Variants in PPP4R3B observed in about 807,000 individuals in gnomAD.
PPP4R3B encodes protein phosphatase 4 regulatory subunit 3B.
PPP4R3B carries 52 observed loss-of-function variants against 95.4 expected under a neutral mutation model. The observed-to-expected ratio is 0.54, with a 90% CI of 0.44 to 0.69. PPP4R3B has a LOEUF of 0.69. PPP4R3B is among the 30% of genes least tolerant of loss of function. The pLI is 0.00. For missense variants in PPP4R3B, 1,003 were observed against 1,005.9 expected, an observed-to-expected ratio of 1.00 and a Z score of 0.04; for synonymous variants, 407 against 343.9, an observed-to-expected ratio of 1.18 and a Z score of -2.03.
Position 55,557,032 on chromosome 2 carries a change from C to G in PPP4R3B, c.2454+1743G>C, listed in dbSNP as rs553038455. ...GAGCTGTGATCACACCACTGCACTC[C>G]AGGCTGGGTGACAGAGTGAGACTCT... On this transcript the variant is annotated intron_variant, in intron 16 of 16. Coordinates refer to ENST00000616407, the MANE Select transcript of PPP4R3B (RefSeq NM_001122964.3). Among the ~76,000 whole-genome samples the G allele has an allele frequency of 7.9e-5, 12 of 152,216 alleles. No individual in the cohort carries two copies. The East Asian group carries it at 2.1e-3, about 27-fold the overall frequency.
At chr2:55,611,525 G>C (rs1572746031) in intron 2 of PPP4R3B, among the ~76,000 whole-genome samples, 2 of 152,282 alleles carry the variant, frequency 1.3e-5, no homozygotes, top group East Asian at 3.9e-4. Context: ...GCACAGTAAG[G>C]AAGAAAGTGA....
intron 6 of PPP4R3B, 104 bp downstream of exon 6, chr2:55,586,514 A>C (rs1353285798): frequency 8.1e-6 from 5 of 619,784 alleles, no homozygotes; most frequent in Non-Finnish European, 1.4e-5. Flanking sequence ...TAAGATAGCT[A>C]AACTATAGAA....
Position 55,588,468 on chromosome 2 carries a change from G to A in PPP4R3B, c.999+411C>T, listed in dbSNP as rs757517826. 6.1e-5 allele frequency among the ~76,000 whole-genome samples: 9 copies of A among 147,962 alleles called. No individual in the cohort carries two copies. The East Asian group carries it at 1.8e-3, about 30-fold the overall frequency. ...GCAGAGGTTGTGGTGAGCCGAGATC[G>A]CACCACTGCACTCCAGCCTGGGCAA... On this transcript the variant is annotated intron_variant, in intron 5 of 16. Coordinates refer to ENST00000616407, the MANE Select transcript of PPP4R3B (RefSeq NM_001122964.3).
rs1684964586 is a variant in PPP4R3B at position 55,548,902 on chromosome 2, T to C, written c.*1009A>G. 1 of 152,660 alleles carries C rather than the reference T, an allele frequency of 6.6e-6. No homozygotes were observed. Among genetic ancestry groups the C allele is most frequent in the African/African-American group, 2.4e-5 (1 of 41,458 alleles). The allele number at this position is 152,660 out of a possible 1,614,324, so 9.5% of individuals were successfully genotyped here. On this transcript the variant is annotated 3_prime_UTR_variant, in exon 17 of 17. Coordinates refer to ENST00000616407, the MANE Select transcript of PPP4R3B (RefSeq NM_001122964.3). ...TCTTCTTAAAAAAGCAGCTTTCATA[T>C]CACACCCTTGTTTACAGAAAAGCTA... is the stretch of plus-strand genomic sequence containing the variant.
chr2:55,560,415 T>C (rs1480322035), intron 15 of PPP4R3B, among the ~76,000 whole-genome samples: 1 of 152,174 alleles, frequency 6.6e-6, no homozygotes, highest in Non-Finnish European at 1.5e-5. Flanking sequence ...TAGAGATCTG[T>C]GGAACTTGAA....
Position 55,588,868 on chromosome 2 carries a change from T to G in PPP4R3B, c.999+11A>C. On this transcript the variant is annotated intron_variant, in intron 5 of 16. Coordinates refer to ENST00000616407, the MANE Select transcript of PPP4R3B (RefSeq NM_001122964.3). ...TAAGTGCTCTTTAAGAGTTTGAATTTCATAACTTACCAATTCACGCCGTTT... is the reference window on the plus strand; with the variant it reads ...TAAGTGCTCTTTAAGAGTTTGAATTGCATAACTTACCAATTCACGCCGTTT... The G allele has an allele frequency of 6.3e-7, 1 of 1,588,474 alleles. No individual in the cohort carries two copies. Among genetic ancestry groups the G allele is most frequent in the South Asian group, 1.1e-5 (1 of 88,320 alleles).
Position 55,564,380 on chromosome 2 carries a change from T to G in PPP4R3B, c.2193A>C (p.Pro731=). 1.2e-6 allele frequency: 2 copies of G among 1,613,964 alleles called. No homozygotes were observed. The highest frequency in any genetic ancestry group is 1.7e-5 in the Admixed American group (1 of 60,028). The change falls in exon 15 of 17, where the codon CCA becomes CCC. Residue 731 remains proline, a synonymous_variant. Coordinates refer to ENST00000616407, the MANE Select transcript of PPP4R3B (RefSeq NM_001122964.3). ...CATCTTCTGGCTTAGGTTTTTCCAC[T>G]GGTGCCACAACTGCTTTTCCTTCCT... ...EEEEGKAVVA[P]VEKPKPEDDF...
intron 16 of PPP4R3B, 145 bp from the exon 17 acceptor site, chr2:55,550,151 C>T (rs1409364417): frequency 1.6e-6 from 1 of 632,938 alleles, no homozygotes; most frequent in African/African-American, 1.9e-5. Flanking sequence ...AAAGGAACTG[C>T]TTGAAATTAT....
intron 4 of PPP4R3B, among the ~76,000 whole-genome samples, chr2:55,592,396 C>T (rs1032820868): frequency 6.6e-6 from 1 of 151,904 alleles, no homozygotes; most frequent in African/African-American, 2.4e-5. Flanking sequence ...TGAATCAAAC[C>T]AAAGCAAAAG....
chr2:55,553,813 CTG>C (rs1485387299), intron 16 of PPP4R3B, among the ~76,000 whole-genome samples: 1 of 152,210 alleles, frequency 6.6e-6, no homozygotes, highest in East Asian at 1.9e-4. Flanking sequence ...ATAATATCCA[CTG>C]TATGAATATG....
rs556383274 is a variant in PPP4R3B at position 55,591,033 on chromosome 2, C to T, written c.922-2077G>A. On this transcript the variant is annotated intron_variant, in intron 4 of 16. Transcript: ENST00000616407. ...TTAGTCTGACTCAGGTGTTTCTTTT[C>T]GTATTTCATTGACTCCTTTTGGACC... is the stretch of plus-strand genomic sequence containing the variant. 5.3e-5 allele frequency among the ~76,000 whole-genome samples: 8 copies of T among 152,156 alleles called. No individual in the cohort carries two copies. The South Asian group carries it at 1.2e-3, about 24-fold the overall frequency.
intron 7 of PPP4R3B, among the ~76,000 whole-genome samples, chr2:55,582,314 G>A (rs1689551725): frequency 6.6e-6 from 1 of 152,024 alleles, no homozygotes; most frequent in South Asian, 2.1e-4. Flanking sequence ...CCAGGCTGGA[G>A]TGCAGTGGGG....
Position 55,585,118 on chromosome 2 carries a change from TAAG to T in PPP4R3B, c.1163_1165del (p.Ser388del). The T allele has an allele frequency of 6.2e-7, 1 of 1,611,582 alleles. No homozygotes were observed. The highest frequency in any genetic ancestry group is 8.5e-7 in the Non-Finnish European group (1 of 1,179,016). On this transcript the variant is annotated inframe_deletion, in exon 7 of 17. Coordinates refer to ENST00000616407, the MANE Select transcript of PPP4R3B (RefSeq NM_001122964.3). ...CATAGATGGACTAAATTCTACTAGA[TAAG>T]AAAATATATCTGTAGCAGCTGATCT...
At chr2:55,582,988 T>C (rs969872950) in intron 7 of PPP4R3B, among the ~76,000 whole-genome samples, 7 of 152,072 alleles carry the variant, frequency 4.6e-5, no homozygotes, top group African/African-American at 1.7e-4. Context: ...ATAGAAACAA[T>C]GACTACAGTA....
At chr2:55,570,945 G>A (rs942827211) in intron 12 of PPP4R3B, among the ~76,000 whole-genome samples, 1 of 152,152 alleles carries the variant, frequency 6.6e-6, no homozygotes, top group Non-Finnish European at 1.5e-5. Flanking sequence ...GAACTGACAT[G>A]TACACAAAAC....
At chr2:55,562,779 C>T (rs1686796088) in intron 15 of PPP4R3B, among the ~76,000 whole-genome samples, 1 of 152,184 alleles carries the variant, frequency 6.6e-6, no homozygotes, top group South Asian at 2.1e-4. Context: ...TGGTATCTAG[C>T]ACATACATCT....
chr2:55,610,869 GTT>G (rs11413034), intron 2 of PPP4R3B, among the ~76,000 whole-genome samples: 6 of 140,478 alleles, frequency 4.3e-5, no homozygotes, highest in Admixed American at 7.1e-5. Context: ...TATGACTCTG[GTT>G]TTTTTTTTTT....
At chr2:55,586,516 A>G in intron 6 of PPP4R3B, 102 bp downstream of exon 6, 1 of 622,164 alleles carries the variant, frequency 1.6e-6, no homozygotes, top group Non-Finnish European at 2.7e-6. Flanking sequence ...AGATAGCTAA[A>G]CTATAGAATT....
At chr2:55,592,683 C>G (rs1691199627) in intron 4 of PPP4R3B, among the ~76,000 whole-genome samples, 1 of 152,066 alleles carries the variant, frequency 6.6e-6, no homozygotes, top group African/African-American at 2.4e-5. Context: ...AAGCTTAACT[C>G]TTACCTATGG....
Sources: gnomAD v4.1 joint callset for allele counts (sites outside exome capture counted in the v4.1 genomes callset) on GRCh38, gnomAD v4.1.1 for gene constraint, MANE v1.5 for transcripts, NCBI Gene and HGNC (gene_info 2026-07-23, HGNC 2026-07-21) for gene names.